IMMP2L: variants seen among roughly 807,000 people sequenced by gnomAD.
The protein encoded by IMMP2L is mitochondrial inner membrane protease subunit 2.
A neutral mutation model predicts 19.3 loss-of-function variants in IMMP2L; 18 were observed. The ratio of observed to expected loss-of-function variants is 0.93; its 90% CI spans 0.64 to 1.38. The LOEUF is 1.38. Among genes scored for constraint, IMMP2L ranks in the 40% most tolerant of loss-of-function variants. The pLI, the probability that IMMP2L is intolerant of heterozygous loss-of-function variation, is 0.00. For missense variants in IMMP2L, 233 were observed against 218.2 expected (o/e 1.07, Z -0.43); for synonymous variants, 76 against 73.0 (o/e 1.04, Z -0.21).
intron 5 of IMMP2L, among the ~76,000 whole-genome samples, chr7:110,669,740 C>T (rs149340922): frequency 2.4e-4 from 37 of 152,248 alleles, no homozygotes; most frequent in African/African-American, 8.7e-4. Context: ...ATTTTTTGAG[C>T]TGAGACTCAA....
chr7:110,722,992 G>C (rs1795671640), intron 5 of IMMP2L, among the ~76,000 whole-genome samples: 1 of 152,248 alleles, frequency 6.6e-6, no homozygotes, highest in African/African-American at 2.4e-5. Flanking sequence ...CGGCAAACTT[G>C]TCTTCAGTTC....
At chr7:110,704,670 C>T (rs926573768) in intron 5 of IMMP2L, among the ~76,000 whole-genome samples, 1 of 152,198 alleles carries the variant, frequency 6.6e-6, no homozygotes, top group Non-Finnish European at 1.5e-5. Context: ...TCAATTCCTA[C>T]TCACCTGGTT....
chr7:110,819,615 A>G (rs1802849129), intron 5 of IMMP2L, among the ~76,000 whole-genome samples: 1 of 152,060 alleles, frequency 6.6e-6, no homozygotes, highest in African/African-American at 2.4e-5. Flanking sequence ...GGTACTCACT[A>G]TGAATTTCTT....
intron 3 of IMMP2L, among the ~76,000 whole-genome samples, chr7:111,139,888 C>A (rs1449401101): frequency 6.6e-6 from 1 of 152,080 alleles, no homozygotes; most frequent in African/African-American, 2.4e-5. Context: ...GACAAGATTG[C>A]CTGTGCTGTT....
At chr7:110,763,400 G>A (rs1383889946) in intron 5 of IMMP2L, among the ~76,000 whole-genome samples, 2 of 152,080 alleles carry the variant, frequency 1.3e-5, no homozygotes, top group Non-Finnish European at 2.9e-5. Context: ...TGCCTACTCT[G>A]AGCAAGCAAA....
intron 3 of IMMP2L, among the ~76,000 whole-genome samples, chr7:111,192,017 A>C (rs558733593): frequency 3.0e-4 from 45 of 152,158 alleles, no homozygotes; most frequent in Middle Eastern, 6.8e-3. Context: ...AATGAGAGCA[A>C]ACAGAAGTCG....
intron 3 of IMMP2L, among the ~76,000 whole-genome samples, chr7:111,265,035 T>C (rs1006602082): frequency 6.6e-6 from 1 of 152,180 alleles, no homozygotes; most frequent in Non-Finnish European, 1.5e-5. Context: ...TTACAGATCA[T>C]TGAAAACAAT....
At chr7:111,199,950 T>G (rs2129615096) in intron 3 of IMMP2L, among the ~76,000 whole-genome samples, 1 of 152,236 alleles carries the variant, frequency 6.6e-6, no homozygotes, top group East Asian at 1.9e-4. Flanking sequence ...GCTTTTCAGT[T>G]TTATAGGCTC....
chr7:110,743,394 T>G (rs1301459402), intron 5 of IMMP2L, among the ~76,000 whole-genome samples: 1 of 152,186 alleles, frequency 6.6e-6, no homozygotes, highest in Non-Finnish European at 1.5e-5. Flanking sequence ...GATAAAACTC[T>G]CAAGTATTAA....
intron 4 of IMMP2L, among the ~76,000 whole-genome samples, chr7:110,956,141 A>AT (rs959636084): frequency 1.3e-5 from 2 of 151,952 alleles, no homozygotes; most frequent in African/African-American, 2.4e-5. Flanking sequence ...TGACAAATGG[A>AT]TTTTTTTGCT....
At chr7:110,912,459 A>C (rs922672004) in intron 4 of IMMP2L, among the ~76,000 whole-genome samples, 1 of 152,112 alleles carries the variant, frequency 6.6e-6, no homozygotes, top group Non-Finnish European at 1.5e-5. Context: ...TGGATCTCAG[A>C]CTGGAAATAA....
intron 3 of IMMP2L, among the ~76,000 whole-genome samples, chr7:111,387,312 G>A (rs1831857964): frequency 6.6e-6 from 1 of 152,092 alleles, no homozygotes; most frequent in African/African-American, 2.4e-5. Context: ...AACCTCTCAA[G>A]CTACAGATCC....
Position 111,487,253 on chromosome 7 carries a change from T to C in IMMP2L, c.224A>G (p.Asp75Gly). Residue 75 changes from aspartate to glycine, a missense_variant, in exon 3 of 6, where the codon GAC becomes GGC. Physicochemically the swap from Asp to Gly is moderately conservative, Grantham distance 94. Transcript: ENST00000405709. ...AGTTACTTACACCAATGATACAATGTCACCACGGTGTACTTCAAAATTCCT... is the reference window on the plus strand; with the variant it reads ...AGTTACTTACACCAATGATACAATGCCACCACGGTGTACTTCAAAATTCCT... ...KVRNFEVHRG[D>G]IVSLVSPKNP... 1 of 1,557,704 alleles carries C rather than the reference T, an allele frequency of 6.4e-7. No homozygotes were observed. The highest frequency in any genetic ancestry group is 8.9e-7 in the Non-Finnish European group (1 of 1,129,068).
At chr7:111,089,328 G>A (rs971955742) in intron 3 of IMMP2L, among the ~76,000 whole-genome samples, 13 of 152,002 alleles carry the variant, frequency 8.6e-5, no homozygotes, top group African/African-American at 2.9e-4. Flanking sequence ...TAATTGGTTT[G>A]ATTACTGGAC....
chr7:111,038,102 A>C (rs764848006), intron 3 of IMMP2L, among the ~76,000 whole-genome samples: 2 of 152,320 alleles, frequency 1.3e-5, no homozygotes, highest in Non-Finnish European at 2.9e-5. Flanking sequence ...TTTGAAGTTA[A>C]AATATTTTCT....
At chr7:111,015,782 A>G (rs958893728) in intron 3 of IMMP2L, among the ~76,000 whole-genome samples, 1 of 152,124 alleles carries the variant, frequency 6.6e-6, no homozygotes, top group Non-Finnish European at 1.5e-5. Flanking sequence ...CTCTGTGAAT[A>G]TATTAAGACC....
At chr7:111,481,806 T>A (rs1036235009) in intron 3 of IMMP2L, among the ~76,000 whole-genome samples, 1 of 152,188 alleles carries the variant, frequency 6.6e-6, no homozygotes, top group Admixed American at 6.5e-5. Flanking sequence ...TACAGCAGTG[T>A]ACAATGGGAA....
chr7:110,869,896 C>A (rs889680565), intron 5 of IMMP2L, among the ~76,000 whole-genome samples: 5 of 152,184 alleles, frequency 3.3e-5, no homozygotes, highest in Admixed American at 2.6e-4. Context: ...TCAGGCCATC[C>A]CGTACTAAAT....
chr7:111,268,739 G>A (rs749582829), intron 3 of IMMP2L, among the ~76,000 whole-genome samples: 87 of 150,956 alleles, frequency 5.8e-4, no homozygotes, highest in Admixed American at 4.4e-3. Context: ...GACCACAGGC[G>A]AGCACCACCA....
Sources: allele counts gnomAD v4.1 joint callset (sites outside exome capture counted in the v4.1 genomes callset), GRCh38; gene constraint gnomAD v4.1.1; transcripts MANE v1.5; gene names NCBI Gene and HGNC (gene_info 2026-07-23, HGNC 2026-07-21).